The following WNT9A variants were observed in gnomAD, a reference collection of about 807,000 sequenced individuals.
WNT9A encodes the protein protein Wnt-9a.
A neutral mutation model predicts 31.4 loss-of-function variants in WNT9A; 8 were observed. That is an observed-to-expected ratio of 0.26 (90% CI 0.15 to 0.46). The LOEUF (loss-of-function observed/expected upper bound fraction) is 0.46, where lower values mean the gene tolerates loss of function less well. WNT9A is among the 20% of genes least tolerant of loss of function. The pLI, the probability that WNT9A is intolerant of heterozygous loss-of-function variation, is 0.99. For synonymous variants in WNT9A, 236 were observed against 220.1 expected, an observed-to-expected ratio of 1.07 and a Z score of -0.64; for missense variants, 457 against 522.9, an observed-to-expected ratio of 0.87 and a Z score of 1.23.
intron 1 of WNT9A, among the ~76,000 whole-genome samples, chr1:227,946,499 G>GCAGTGGCGTGCCAGCCCAGGCC (rs1349505125): frequency 6.6e-6 from 1 of 152,212 alleles, no homozygotes; most frequent in African/African-American, 2.4e-5. Context: ...CAGATGGCGT[G>GCAGTGGCGTGCCAGCCCAGGCC]CAGTGGCGTG....
At chr1:227,947,555 T>A (rs1666814616) in intron 1 of WNT9A, among the ~76,000 whole-genome samples, 2 of 151,426 alleles carry the variant, frequency 1.3e-5, no homozygotes, top group Non-Finnish European at 3.0e-5. Flanking sequence ...CGACGACGAC[T>A]CTGCGGTCAC....
rs545097851 is a variant in WNT9A, at chr1:227,936,063, A to G, written c.96-10544T>C. ...CCCTCACTCCTTCCTGCATCTTGTT[A>G]TGCAGCAGGGCCTCCACCTCCTGAG... On this transcript the variant is annotated intron_variant, in intron 1 of 3. Transcript: ENST00000272164. Among the ~76,000 whole-genome samples, 55 of 152,330 alleles carry G rather than the reference A, an allele frequency of 3.6e-4. No individual in the cohort carries two copies. The South Asian group carries it at 7.0e-3, about 20-fold the overall frequency.
At chr1:227,944,052 A>AAC (rs370056421) in intron 1 of WNT9A, among the ~76,000 whole-genome samples, 42 of 151,760 alleles carry the variant, frequency 2.8e-4, no homozygotes, top group South Asian at 1.5e-3. Context: ...AAGAACTGAA[A>AAC]ACACACACAC....
At chr1:227,946,967 C>T (rs1666804430) in intron 1 of WNT9A, among the ~76,000 whole-genome samples, 1 of 152,204 alleles carries the variant, frequency 6.6e-6, no homozygotes. Context: ...GCGGGGAGGC[C>T]CGGGGCGCTG....
chr1:227,934,561 A>G (rs1666559025), intron 1 of WNT9A, among the ~76,000 whole-genome samples: 1 of 151,806 alleles, frequency 6.6e-6, no homozygotes, highest in Non-Finnish European at 1.5e-5. Flanking sequence ...CGGCATGTCT[A>G]CTCTTATGTA....
intron 1 of WNT9A, among the ~76,000 whole-genome samples, chr1:227,938,564 T>C (rs1287235379): frequency 6.6e-6 from 1 of 152,066 alleles, no homozygotes; most frequent in East Asian, 1.9e-4. Context: ...CCGATAGAGA[T>C]GCACGCATAC....
rs60751757 is a variant in WNT9A at position 227,931,491 on chromosome 1, T to A, written c.96-5972A>T. Among the ~76,000 whole-genome samples, 705 of 152,346 alleles carry A rather than the reference T, an allele frequency of 4.6e-3. 4 individuals carry two copies. The highest frequency in any genetic ancestry group is 0.016 in the African/African-American group (683 of 41,576). On this transcript the variant is annotated intron_variant, in intron 1 of 3. Coordinates refer to ENST00000272164, the MANE Select transcript of WNT9A (RefSeq NM_003395.4). ...ACTGAGCTATTCTTGGCAAAAAGAT[T>A]TCCTTTCTGATCCAGTTTCTTTTTT... is the stretch of plus-strand genomic sequence containing the variant.
At position 227,919,520 on chromosome 1, in the gene WNT9A, A is replaced by G. The variant is rs917172348; in HGVS notation, c.*1998T>C. On this transcript the variant is annotated 3_prime_UTR_variant, in exon 4 of 4. Transcript: ENST00000272164. ...CTGGAGACCCTTAGGGCTCTGAGAC[A>G]CCTATTCACTCAGTAGTTCCTGTAT... 6.6e-6 allele frequency: 1 copy of G among 152,016 alleles called. No homozygotes were observed. The highest frequency in any genetic ancestry group is 1.5e-5 in the Non-Finnish European group (1 of 68,006). 9.4% of individuals were successfully genotyped at this position (152,016 alleles called of 1,614,324 possible).
At chr1:227,929,207 G>A (rs923299417) in intron 1 of WNT9A, among the ~76,000 whole-genome samples, 3 of 151,602 alleles carry the variant, frequency 2.0e-5, no homozygotes, top group Non-Finnish European at 2.9e-5. Flanking sequence ...TGACGGGAGG[G>A]TTGTTTGAGC....
intron 1 of WNT9A, among the ~76,000 whole-genome samples, chr1:227,931,582 T>C (rs2527615): frequency 0.53 from 79,945 of 152,032 alleles, 21,259 homozygotes; most frequent in African/African-American, 0.6. Context: ...AGCTTTGGTT[T>C]CAGATCATCG....
chr1:227,933,652 T>C (rs1157769440), intron 1 of WNT9A, among the ~76,000 whole-genome samples: 2 of 152,006 alleles, frequency 1.3e-5, no homozygotes, highest in East Asian at 3.9e-4. Flanking sequence ...CACTGTAGGG[T>C]TATTAATTGG....
At chr1:227,922,122 C>A in intron 3 of WNT9A, 122 bp from the exon 4 acceptor site, 1 of 1,413,804 alleles carries the variant, frequency 7.1e-7, no homozygotes, top group Non-Finnish European at 9.3e-7. Flanking sequence ...GCCCTGCCGG[C>A]GGGCGTCACC....
intron 1 of WNT9A, among the ~76,000 whole-genome samples, chr1:227,934,601 C>T (rs1236623661): frequency 1.3e-5 from 2 of 152,188 alleles, no homozygotes; most frequent in Non-Finnish European, 2.9e-5. Context: ...CCAATGTCTT[C>T]CTTCTATTTC....
chr1:227,922,625 C>T (rs1666342342), intron 3 of WNT9A, among the ~76,000 whole-genome samples: 1 of 152,180 alleles, frequency 6.6e-6, no homozygotes, highest in Admixed American at 6.5e-5. Context: ...GCTCCTTATA[C>T]TGCAGGAGAG....
intron 1 of WNT9A, among the ~76,000 whole-genome samples, chr1:227,943,049 G>A (rs1666733110): frequency 6.6e-6 from 1 of 152,220 alleles, no homozygotes; most frequent in African/African-American, 2.4e-5. Flanking sequence ...GCAGAGCCAT[G>A]GGACCAGGCA....
chr1:227,931,607 T>C (rs760068068), intron 1 of WNT9A, among the ~76,000 whole-genome samples: 4 of 152,198 alleles, frequency 2.6e-5, no homozygotes, highest in Non-Finnish European at 4.4e-5. Flanking sequence ...AAAGAAAAGG[T>C]CAGAAAAAAG....
intron 1 of WNT9A, among the ~76,000 whole-genome samples, chr1:227,938,629 GTCCA>G (rs532428078): frequency 6.0e-4 from 91 of 152,252 alleles, no homozygotes; most frequent in African/African-American, 2.1e-3. Context: ...ACATGCACAT[GTCCA>G]TCCAAACACA....
chr1:227,923,156 G>A (rs1043044148), intron 3 of WNT9A, among the ~76,000 whole-genome samples: 5 of 152,114 alleles, frequency 3.3e-5, no homozygotes, highest in African/African-American at 1.2e-4. Flanking sequence ...GACCCAAACA[G>A]GGGAGGTTGA....
At chr1:227,922,631 G>T (rs994349762) in intron 3 of WNT9A, among the ~76,000 whole-genome samples, 8 of 152,124 alleles carry the variant, frequency 5.3e-5, no homozygotes, top group African/African-American at 1.9e-4. Flanking sequence ...TATACTGCAG[G>T]AGAGTGTCCA....
Sources: gnomAD v4.1 joint callset for allele counts (sites outside exome capture counted in the v4.1 genomes callset) on GRCh38, gnomAD v4.1.1 for gene constraint, MANE v1.5 for transcripts, NCBI Gene and HGNC (gene_info 2026-07-23, HGNC 2026-07-21) for gene names.